CD8B2: variants seen among roughly 807,000 people sequenced by gnomAD.
CD8B2 encodes the protein CD8B family member 2, also known as T-cell surface glycoprotein CD8 beta-2 chain.
CD8B2 carries 11 observed loss-of-function variants against 23.7 expected under a neutral mutation model. The observed-to-expected ratio is 0.46, with a 90% CI of 0.29 to 0.77. The LOEUF (loss-of-function observed/expected upper bound fraction) is 0.77. Among genes scored for constraint, CD8B2 ranks in the 30% least tolerant of loss-of-function variants. The pLI is 0.09. For synonymous variants in CD8B2, 90 were observed against 109.3 expected (o/e 0.82, Z 1.10); for missense variants, 197 against 270.5 (o/e 0.73, Z 1.91).
chr2:106,507,884 C>T lies in CD8B2; in HGVS notation c.*944C>T, dbSNP rs1333493504. 6.6e-6 allele frequency: 1 copy of T among 151,044 alleles called. No homozygotes were observed. The highest frequency in any genetic ancestry group is 2.4e-5 in the African/African-American group (1 of 40,992). The allele number at this position is 151,044 out of a possible 1,614,324, so 9.4% of individuals were successfully genotyped here. A position where few individuals can be genotyped will look rare whatever the true frequency, so the allele number is the denominator to read the frequency against. ...TGCCTCAGGCCCCTCTCCCAGCCCA[C>T]TCCCAAGCTGAACTAGCACGTGTTC... On this transcript the variant is annotated 3_prime_UTR_variant, in exon 6 of 6. Coordinates refer to ENST00000643224, the MANE Select transcript of CD8B2 (RefSeq NM_001349727.2).
chr2:106,536,371 G>C (rs1445272570), intron 5 of CD8B2, among the ~76,000 whole-genome samples: 1 of 152,192 alleles, frequency 6.6e-6, no homozygotes, highest in East Asian at 1.9e-4. Flanking sequence ...TGAGAACTCT[G>C]CTACAAGAAC....
Position 106,507,351 on chromosome 2 carries a change from G to A in CD8B2, c.*411G>A, listed in dbSNP as rs1170063707. The A allele has an allele frequency of 2.0e-6, 2 of 991,630 alleles. No individual in the cohort carries two copies. The highest frequency in any genetic ancestry group is 3.5e-5 in the African/African-American group (2 of 57,536). The allele number at this position is 991,630 out of a possible 1,614,324, so 61.4% of individuals were successfully genotyped here. On this transcript the variant is annotated 3_prime_UTR_variant, in exon 6 of 6. Transcript: ENST00000643224. ...GTCTTTCATGGGGTGATGCTGGGCTGGCTCCCTCTTGGTCTTCCCAGGCTG... is the reference window on the plus strand; with the variant it reads ...GTCTTTCATGGGGTGATGCTGGGCTAGCTCCCTCTTGGTCTTCCCAGGCTG...
intron 5 of CD8B2, among the ~76,000 whole-genome samples, chr2:106,537,282 C>T (rs1016387862): frequency 3.3e-5 from 5 of 152,134 alleles, no homozygotes; most frequent in African/African-American, 1.2e-4. Context: ...ACAAGGTCAT[C>T]AGATGATGTC....
At chr2:106,543,586 T>C (rs1680210404) in intron 5 of CD8B2, among the ~76,000 whole-genome samples, 1 of 151,822 alleles carries the variant, frequency 6.6e-6, no homozygotes, top group Admixed American at 6.6e-5. Flanking sequence ...AGAAACAAAA[T>C]ATCCAAAGCC....
chr2:106,534,417 C>A lies in CD8B2; in HGVS notation c.621-9575C>A, dbSNP rs549729511. Among the ~76,000 whole-genome samples, 3 of 151,730 alleles carry A rather than the reference C, an allele frequency of 2.0e-5. No homozygotes were observed. The East Asian group carries it at 5.8e-4, about 29-fold the overall frequency. ...TCCGATGCCAACAACAACAACAACA[C>A]AACAACAACAATAACAAATTGCTTC... On this transcript the variant is annotated intron_variant, in intron 5 of 5. Transcript: ENST00000416057.
At chr2:106,539,076 A>G (rs1056421389) in intron 5 of CD8B2, among the ~76,000 whole-genome samples, 7 of 152,174 alleles carry the variant, frequency 4.6e-5, no homozygotes, top group African/African-American at 1.7e-4. Context: ...ACACGTGTTC[A>G]CTTACACACC....
At chr2:106,523,461 C>G (rs540706040) in intron 5 of CD8B2, among the ~76,000 whole-genome samples, 1 of 152,070 alleles carries the variant, frequency 6.6e-6, no homozygotes, top group Non-Finnish European at 1.5e-5. Context: ...AAAGCCTCAC[C>G]GTAGAAGGAA....
intron 5 of CD8B2, among the ~76,000 whole-genome samples, chr2:106,529,288 C>T (rs1190540490): frequency 6.6e-6 from 1 of 152,204 alleles, no homozygotes; most frequent in Non-Finnish European, 1.5e-5. Context: ...GCTGGCTCTC[C>T]AGCCTGGATG....
chr2:106,489,969 G>C (rs1428117567), intron 1 of CD8B2, among the ~76,000 whole-genome samples: 1 of 152,042 alleles, frequency 6.6e-6, no homozygotes, highest in African/African-American at 2.4e-5. Context: ...CTTGCCGGGT[G>C]CTTCTCGTCA....
chr2:106,514,095 C>G (rs1679686252), downstream of CD8B2, among the ~76,000 whole-genome samples: 1 of 142,328 alleles, frequency 7.0e-6, no homozygotes, highest in Admixed American at 7.0e-5. Context: ...AGACCAGAGC[C>G]AGTGCTCACT....
At chr2:106,502,200 A>G (rs988594216) in intron 3 of CD8B2, among the ~76,000 whole-genome samples, 106 of 149,932 alleles carry the variant, frequency 7.1e-4, no homozygotes, top group African/African-American at 2.5e-3. Flanking sequence ...GGAGGCTAAG[A>G]ATGAGAATCC....
At chr2:106,500,592 A>G (rs1180230650) in intron 3 of CD8B2, among the ~76,000 whole-genome samples, 1 of 151,892 alleles carries the variant, frequency 6.6e-6, no homozygotes, top group African/African-American at 2.4e-5. Context: ...TTTCTTCCTC[A>G]CAAGATGGGA....
At chr2:106,514,879 T>C (rs1679704024), downstream of CD8B2, among the ~76,000 whole-genome samples, 1 of 152,210 alleles carries the variant, frequency 6.6e-6, no homozygotes, top group Non-Finnish European at 1.5e-5. Flanking sequence ...AGCATACATT[T>C]TCCAGAAAAA....
downstream of CD8B2, among the ~76,000 whole-genome samples, chr2:106,515,001 C>T (rs1199620486): frequency 6.6e-6 from 1 of 152,230 alleles, no homozygotes; most frequent in Non-Finnish European, 1.5e-5. Flanking sequence ...GTTGCTGATG[C>T]TGGAATAATC....
At position 106,510,169 on chromosome 2, in the gene CD8B2, T is replaced by A. The variant is rs1679595668; in HGVS notation, c.*3229T>A. 6.6e-6 allele frequency: 1 copy of A among 152,154 alleles called. No individual in the cohort carries two copies. 9.4% of individuals were successfully genotyped at this position (152,154 alleles called of 1,614,324 possible). A position where few individuals can be genotyped will look rare whatever the true frequency, so the allele number is the denominator to read the frequency against. On this transcript the variant is annotated 3_prime_UTR_variant, in exon 6 of 6. Coordinates refer to ENST00000643224, the MANE Select transcript of CD8B2 (RefSeq NM_001349727.2). ...GAAGAAAACAAGCAAAACAAATATA[T>A]GTTGTTAGAAGTTAGGATACAGTTA...
At chr2:106,493,706 T>A (rs1249307802) in intron 2 of CD8B2, among the ~76,000 whole-genome samples, 1 of 152,292 alleles carries the variant, frequency 6.6e-6, no homozygotes, top group East Asian at 1.9e-4. Flanking sequence ...AGTGTTCAAC[T>A]TTTTGTCAGA....
chr2:106,533,252 C>A (rs954261979), intron 5 of CD8B2, among the ~76,000 whole-genome samples: 1 of 152,130 alleles, frequency 6.6e-6, no homozygotes, highest in Non-Finnish European at 1.5e-5. Context: ...GTCATCTGGG[C>A]AGCACTTGCT....
At chr2:106,523,998 C>A (rs144520888) in intron 5 of CD8B2, among the ~76,000 whole-genome samples, 26 of 152,240 alleles carry the variant, frequency 1.7e-4, no homozygotes, top group African/African-American at 6.3e-4. Context: ...TTCAAAAAGT[C>A]CTGTAAATAT....
At chr2:106,521,474 T>A (rs1392720429) in intron 5 of CD8B2, 4 of 152,202 alleles carry the variant, frequency 2.6e-5, no homozygotes, top group Non-Finnish European at 5.9e-5. Flanking sequence ...TGGGGGCTGC[T>A]TTTCATTAAA....
Sources: allele counts gnomAD v4.1 joint callset (sites outside exome capture counted in the v4.1 genomes callset), GRCh38; gene constraint gnomAD v4.1.1; transcripts MANE v1.5; gene names NCBI Gene and HGNC (gene_info 2026-07-23, HGNC 2026-07-21).